The following OOEP variants were observed in gnomAD, a reference collection of about 807,000 sequenced individuals.
OOEP encodes oocyte expressed protein, also known as oocyte-expressed protein homolog.
OOEP carries 16 observed loss-of-function variants against 13.7 expected under a neutral mutation model. That is an observed-to-expected ratio of 1.16 (90% CI 0.79 to 1.77). OOEP has a LOEUF of 1.77. OOEP is among the 40% of genes most tolerant of loss of function. The pLI is 0.00. For missense variants in OOEP, 195 were observed against 193.1 expected (o/e 1.01, Z -0.06); for synonymous variants, 89 against 77.1 (o/e 1.15, Z -0.81).
At chr6:73,384,083 G>A (rs1769238184) in intron 2 of OOEP, among the ~76,000 whole-genome samples, 1 of 152,092 alleles carries the variant, frequency 6.6e-6, no homozygotes, top group Non-Finnish European at 1.5e-5. Flanking sequence ...GCAACAGAGT[G>A]AGACCCTGTC....
At position 73,376,551 on chromosome 6, in the gene OOEP, C is replaced by T. The variant is rs545702431; in HGVS notation, c.26-7166G>A. Reference sequence around the variant, plus strand: ...GCAATGGCAAGATCTCAGCTTACTGCAACCTCCACCTCCCGAGTTCAAGCA... The same window carrying T: ...GCAATGGCAAGATCTCAGCTTACTGTAACCTCCACCTCCCGAGTTCAAGCA... On this transcript the variant is annotated intron_variant, in intron 2 of 3. Transcript: ENST00000370363. Among the ~76,000 whole-genome samples the T allele has an allele frequency of 7.2e-5, 11 of 152,116 alleles. No individual in the cohort carries two copies. The East Asian group carries it at 1.7e-3, about 24-fold the overall frequency.
At chr6:73,395,082 G>T in exon 1 of OOEP, 1 of 1,614,172 alleles carries the variant, frequency 6.2e-7, no homozygotes, top group South Asian at 1.1e-5. Context: ...GGCCCCCGGA[G>T]GCCGTGGCCG....
At chr6:73,388,922 A>T (rs1164277966) in intron 2 of OOEP, among the ~76,000 whole-genome samples, 1 of 151,874 alleles carries the variant, frequency 6.6e-6, no homozygotes, top group African/African-American at 2.4e-5. Context: ...GCGGAGTCGG[A>T]GGAATAAGTT....
At chr6:73,381,479 A>G (rs757611432) in intron 2 of OOEP, among the ~76,000 whole-genome samples, 8 of 152,184 alleles carry the variant, frequency 5.3e-5, no homozygotes, top group Non-Finnish European at 1.0e-4. Flanking sequence ...TAGTTGAAGA[A>G]AAGGTGTTTT....
At chr6:73,392,725 G>A (rs1769364878) in intron 2 of OOEP, among the ~76,000 whole-genome samples, 2 of 148,242 alleles carry the variant, frequency 1.3e-5, no homozygotes, top group Admixed American at 6.9e-5. Context: ...TCTGCCTCCC[G>A]GGTTCAAGCA....
upstream of OOEP, among the ~76,000 whole-genome samples, chr6:73,370,961 TTTG>T (rs954903376): frequency 1.4e-4 from 22 of 152,052 alleles, no homozygotes; most frequent in South Asian, 6.2e-4. Context: ...TCCAGCTCTT[TTTG>T]TTGTTGTTGT....
rs140716550 is a variant in OOEP at position 73,390,645 on chromosome 6, C to T, written c.25+3701G>A. 1.6e-3 allele frequency among the ~76,000 whole-genome samples: 229 copies of T among 147,064 alleles called. 1 individual carries two copies. The highest frequency in any genetic ancestry group is 3.6e-3 in the Middle Eastern group (1 of 276). ...CGCCTGGAGTGTGATGGTGCGATCT[C>T]GGGTCACTGCAACCTCCGCCTCCCA... On this transcript the variant is annotated intron_variant, in intron 2 of 3. Coordinates refer to the OOEP transcript ENST00000370363.
intron 2 of OOEP, 72 bp from the exon 3 acceptor site, chr6:73,368,935 G>A: frequency 8.6e-7 from 1 of 1,159,750 alleles, no homozygotes; most frequent in Non-Finnish European, 1.3e-6. Context: ...CTCCGTGACT[G>A]GGAGTTGGGG....
chr6:73,384,742 T>C (rs1458743214), intron 2 of OOEP, among the ~76,000 whole-genome samples: 2 of 150,772 alleles, frequency 1.3e-5, no homozygotes, highest in Non-Finnish European at 3.0e-5. Context: ...AACAAACCTT[T>C]TTTTTTTTTT....
chr6:73,394,680 A>G (rs896678041), intron 1 of OOEP: 14 of 624,776 alleles, frequency 2.2e-5, no homozygotes, highest in Middle Eastern at 4.4e-4. Context: ...CAGAAAACCG[A>G]TTGGCTAAAA....
At chr6:73,369,512 G>C in intron 1 of OOEP, 91 bp downstream of exon 1, 1 of 1,509,552 alleles carries the variant, frequency 6.6e-7, no homozygotes, top group Non-Finnish European at 9.1e-7. Context: ...CCTGGCTTGC[G>C]AATCTGGGAA....
chr6:73,381,022 G>A (rs534379955), intron 2 of OOEP, among the ~76,000 whole-genome samples: 3 of 151,822 alleles, frequency 2.0e-5, no homozygotes, highest in Admixed American at 6.6e-5. Context: ...AGCTAGGCGT[G>A]GTGGCGGGCA....
rs1003882529 is a variant in OOEP, at chr6:73,389,719, T to A, written c.25+4627A>T. On this transcript the variant is annotated intron_variant, in intron 2 of 3. Transcript: ENST00000370363. ...TGGGGTGGGGGGAGGGGGGAAGGGA[T>A]AGCATTAGGAGATATACCTAATGTT... 2.7e-5 allele frequency among the ~76,000 whole-genome samples: 4 copies of A among 149,224 alleles called. No individual in the cohort carries two copies. The South Asian group carries it at 6.5e-4, about 24-fold the overall frequency.
upstream of OOEP, chr6:73,370,109 T>C: frequency 2.7e-6 from 1 of 366,032 alleles, no homozygotes; most frequent in Non-Finnish European, 5.0e-6. Flanking sequence ...GAAAGTCCTC[T>C]GCCCACCTTA....
chr6:73,388,946 G>A (rs1769310403), intron 2 of OOEP, among the ~76,000 whole-genome samples: 1 of 152,172 alleles, frequency 6.6e-6, no homozygotes, highest in Non-Finnish European at 1.5e-5. Flanking sequence ...GGAGGGTAGA[G>A]GGACCGTTCC....
At chr6:73,394,709 C>G (rs1769421083) in intron 1 of OOEP, 2 of 770,514 alleles carry the variant, frequency 2.6e-6, no homozygotes, top group Non-Finnish European at 4.1e-6. Context: ...GTCCCGCCCA[C>G]AACGCTCACT....
chr6:73,386,369 C>T (rs1769272033), intron 2 of OOEP, among the ~76,000 whole-genome samples: 1 of 151,898 alleles, frequency 6.6e-6, no homozygotes, highest in Non-Finnish European at 1.5e-5. Context: ...GCTGGGATTA[C>T]AGGCATGAGC....
chr6:73,385,150 TCCTGG>T (rs1477140356), intron 2 of OOEP, among the ~76,000 whole-genome samples: 5 of 151,340 alleles, frequency 3.3e-5, no homozygotes, highest in African/African-American at 9.7e-5. Flanking sequence ...ATTGAGACCA[TCCTGG>T]CTAACATGGT....
At chr6:73,380,886 C>T (rs62440592) in intron 2 of OOEP, among the ~76,000 whole-genome samples, 5,787 of 152,160 alleles carry the variant, frequency 0.038, 133 homozygotes, top group East Asian at 0.076. Context: ...CAGTGGCTCA[C>T]GCTTGTAATC....
Sources: gnomAD v4.1 joint callset for allele counts (sites outside exome capture counted in the v4.1 genomes callset) on GRCh38, gnomAD v4.1.1 for gene constraint, MANE v1.5 for transcripts, NCBI Gene and HGNC (gene_info 2026-07-23, HGNC 2026-07-21) for gene names.